The following DACT1 variants were observed in gnomAD, a reference collection of about 807,000 sequenced individuals.
The protein encoded by DACT1 is dishevelled binding antagonist of beta catenin 1.
A neutral mutation model predicts 35.3 loss-of-function variants in DACT1; 19 were observed. That is an observed-to-expected ratio of 0.54 (90% confidence interval 0.38 to 0.79). DACT1 has a LOEUF of 0.79. DACT1 is among the 30% of genes least tolerant of loss of function. The pLI, the probability that DACT1 is intolerant of heterozygous loss-of-function variation, is 0.00. For synonymous variants in DACT1, 545 were observed against 466.7 expected (o/e 1.17, Z -2.16); for missense variants, 1,143 against 1,057.5 (o/e 1.08, Z -1.12).
Position 58,647,120 on chromosome 14 carries a change from A to G in DACT1, c.2386A>G (p.Met796Val). Reference sequence around the variant, plus strand: ...CTTTCGGTCTGGCTCTTTGAAACTGATGACGACGGTTTGAGTGACATCATT... The same window carrying G: ...CTTTCGGTCTGGCTCTTTGAAACTGGTGACGACGGTTTGAGTGACATCATT... Reference protein sequence around the residue: ...LRFRSGSLKLMTTV With the variant: ...LRFRSGSLKLVTTV Residue 796 changes from methionine to valine, a missense_variant, in exon 4 of 4, where the codon ATG becomes GTG. By Grantham distance (21) the Met-to-Val change is conservative. Coordinates refer to ENST00000395153, the MANE Select transcript of DACT1 (RefSeq NM_001079520.2). 1 of 1,613,954 alleles carries G rather than the reference A, an allele frequency of 6.2e-7. No homozygotes were observed. Among genetic ancestry groups the G allele is most frequent in the Non-Finnish European group, 8.5e-7 (1 of 1,179,988 alleles).
chr14:58,639,881 T>A (rs2047610980), intron 1 of DACT1, among the ~76,000 whole-genome samples: 1 of 152,276 alleles, frequency 6.6e-6, no homozygotes, highest in African/African-American at 2.4e-5. Context: ...TTTATTGTTT[T>A]GTGCAATTGC....
chr14:58,641,518 T>G, intron 2 of DACT1, 74 bp from the exon 3 acceptor site: 1 of 1,480,554 alleles, frequency 6.8e-7, no homozygotes, highest in Non-Finnish European at 9.2e-7. Context: ...AAATGATTAT[T>G]CATTTTCCTG....
chr14:58,643,657 G>A (rs764630056), intron 3 of DACT1, among the ~76,000 whole-genome samples: 44 of 152,282 alleles, frequency 2.9e-4, no homozygotes, highest in Non-Finnish European at 4.4e-4. Context: ...AGACAGACCC[G>A]TGCTCTTCCA....
rs750523668 is a variant in DACT1 at position 58,646,216 on chromosome 14, C to T, written c.1482C>T (p.Pro494=). ...CTCCCCTGCTGTCTACAGCTTTCCCCGTGGAAGAGAGGCCTGCCTTGGATT... is the reference window on the plus strand; with the variant it reads ...CTCCCCTGCTGTCTACAGCTTTCCCTGTGGAAGAGAGGCCTGCCTTGGATT... ...ATPPLLSTAF[P]VEERPALDFK... is the part of the protein sequence containing the mutation. The change falls in exon 4 of 4, where the codon CCC becomes CCT. Residue 494 remains proline, a synonymous_variant. Transcript: ENST00000395153. 25 of 1,613,790 alleles carry T rather than the reference C, an allele frequency of 1.5e-5. No homozygotes were observed. The South Asian group carries it at 2.3e-4, about 15-fold the overall frequency.
At chr14:58,637,658 C>A (rs1054093166), upstream of DACT1, among the ~76,000 whole-genome samples, 1 of 152,170 alleles carries the variant, frequency 6.6e-6, no homozygotes, top group African/African-American at 2.4e-5. Flanking sequence ...GGGCTCCAGG[C>A]GCTCGCCCCG....
chr14:58,644,795 T>A (rs1167323143), intron 3 of DACT1, among the ~76,000 whole-genome samples: 2 of 152,180 alleles, frequency 1.3e-5, no homozygotes, highest in East Asian at 3.8e-4. Context: ...GTTTCCCAGT[T>A]GTAAACGCAG....
chr14:58,638,266 C>T lies in DACT1; in HGVS notation c.64C>T (p.Gln22Ter). 1 of 1,358,642 alleles carries T rather than the reference C, an allele frequency of 7.4e-7. No individual in the cohort carries two copies. The allele number at this position is 1,358,642 out of a possible 1,614,324, so 84.2% of individuals were successfully genotyped here. A position where few individuals can be genotyped will look rare whatever the true frequency, so the allele number is the denominator to read the frequency against. ...LEPPAPARGEQRTAEPEGRWR... is the reference protein window; with the variant it reads ...LEPPAPARGE ...GCCTCCGGCGCCGGCCCGAGGCGAG[C>T]AGCGCACGGCGGAGCCCGAGGGGCG... Residue 22 changes from glutamine to a stop codon, truncating the protein, a stop_gained, in exon 1 of 4, where the codon CAG (glutamine) becomes TAG (stop). Transcript: ENST00000395153. LOFTEE classifies it high-confidence loss of function.
upstream of DACT1, chr14:58,637,957 A>G: frequency 8.7e-6 from 2 of 228,624 alleles, no homozygotes. Flanking sequence ...AGCGCCGGGC[A>G]GGGCGTTATC....
intron 2 of DACT1, 64 bp from the exon 3 acceptor site, chr14:58,641,528 G>A: frequency 6.6e-7 from 1 of 1,512,344 alleles, no homozygotes; most frequent in South Asian, 1.2e-5. Context: ...TCATTTTCCT[G>A]TTAAGCGTGA....
In DACT1 at chr14:58,646,432, GA is replaced by G; in HGVS notation, c.1702del (p.Thr568ArgfsTer87). The G allele has an allele frequency of 6.3e-7, 1 of 1,593,392 alleles. No homozygotes were observed. The highest frequency in any genetic ancestry group is 2.3e-5 in the East Asian group (1 of 44,256). On this transcript the variant is annotated frameshift_variant, in exon 4 of 4. Coordinates refer to ENST00000395153, the MANE Select transcript of DACT1 (RefSeq NM_001079520.2). LOFTEE classifies it low-confidence loss of function (END_TRUNC). Reference protein sequence around the residue: ...LENGLPTVREKTRAGSKKCRF... With the variant: ...LENGLPTVREXTRAGSKKCRF... ...AGAACGGCTTGCCCACCGTCAGGGA[GA>G]AAACGCGGGCCGGGAGCAAGAAGTG...
chr14:58,635,017 T>G (rs758445588), upstream of DACT1, among the ~76,000 whole-genome samples: 1 of 152,242 alleles, frequency 6.6e-6, no homozygotes, highest in African/African-American at 2.4e-5. Flanking sequence ...TGGTACACTT[T>G]CTGAGTGTCA....
intron 2 of DACT1, 139 bp downstream of exon 2, chr14:58,641,007 A>AT: frequency 1.1e-6 from 1 of 931,934 alleles, no homozygotes; most frequent in Non-Finnish European, 1.6e-6. Flanking sequence ...GAAGTCTGCC[A>AT]TTCAGTTTTA....
In DACT1 at chr14:58,645,858, C is replaced by T. The variant is rs758211732; in HGVS notation, c.1124C>T (p.Thr375Ile). Residue 375 changes from threonine to isoleucine, a missense_variant, in exon 4 of 4, where the codon ACA becomes ATA. Coordinates refer to ENST00000395153, the MANE Select transcript of DACT1 (RefSeq NM_001079520.2). ...GGGATACCTTCTCTGAACAATGGGACATTCTCCCCACCGAAGCAGTGGTCG... is the reference window on the plus strand; with the variant it reads ...GGGATACCTTCTCTGAACAATGGGATATTCTCCCCACCGAAGCAGTGGTCG... ...SGGIPSLNNG[T>I]FSPPKQWSKE... The T allele has an allele frequency of 1.9e-6, 3 of 1,614,242 alleles. No individual in the cohort carries two copies. The highest frequency in any genetic ancestry group is 1.6e-4 in the Middle Eastern group (1 of 6,062).
At chr14:58,640,115 A>G (rs2047613259) in intron 1 of DACT1, among the ~76,000 whole-genome samples, 1 of 152,202 alleles carries the variant, frequency 6.6e-6, no homozygotes, top group African/African-American at 2.4e-5. Flanking sequence ...AGCACAATCC[A>G]TCTGTCACCT....
chr14:58,645,356 G>C lies in DACT1; in HGVS notation c.635-13G>C. 2 of 1,614,222 alleles carry C rather than the reference G, an allele frequency of 1.2e-6. No individual in the cohort carries two copies. The highest frequency in any genetic ancestry group is 2.2e-5 in the South Asian group (2 of 91,080). On this transcript the variant is annotated splice_polypyrimidine_tract_variant and intron_variant, in intron 3 of 3. Coordinates refer to ENST00000395153, the MANE Select transcript of DACT1 (RefSeq NM_001079520.2). The stretch of plus-strand genomic sequence containing the variant: ...CTCCACACCACAATTTAATTCCCTT[G>C]ATGTCATTGCAGATGTGAATCCCAA...
chr14:58,639,246 A>G (rs2047605316), intron 1 of DACT1: 1 of 985,406 alleles, frequency 1.0e-6, no homozygotes. Flanking sequence ...GGTGGGAGAA[A>G]AGAGAACCTG....
intron 1 of DACT1, chr14:58,638,828 G>A (rs892261681): frequency 3.9e-5 from 45 of 1,143,774 alleles, no homozygotes; most frequent in Non-Finnish European, 4.6e-5. Flanking sequence ...TCTGCCTTCG[G>A]GATTCTTGGA....
rs1006725780 is a variant in DACT1 at position 58,646,933 on chromosome 14, C to T, written c.2199C>T (p.Ser733=). The change falls in exon 4 of 4, where the codon AGC becomes AGT. Residue 733 remains serine (S), a synonymous_variant. Coordinates refer to ENST00000395153, the MANE Select transcript of DACT1 (RefSeq NM_001079520.2). The part of the protein sequence containing the change: ...SVSEGEFVGE[S]TTTSDSEESG... ...GCGAGGGCGAGTTCGTGGGGGAGAG[C>T]ACAACCACCAGCGACTCTGAAGAAA... 1 of 1,613,908 alleles carries T rather than the reference C, an allele frequency of 6.2e-7. No individual in the cohort carries two copies. Among genetic ancestry groups the T allele is most frequent in the African/African-American group, 1.3e-5 (1 of 74,900 alleles).
At chr14:58,643,659 G>A (rs1183894549) in intron 3 of DACT1, among the ~76,000 whole-genome samples, 1 of 152,200 alleles carries the variant, frequency 6.6e-6, no homozygotes, top group East Asian at 1.9e-4. Flanking sequence ...ACAGACCCGT[G>A]CTCTTCCAAA....
Sources: gnomAD v4.1 joint callset for allele counts (sites outside exome capture counted in the v4.1 genomes callset) on GRCh38, gnomAD v4.1.1 for gene constraint, MANE v1.5 for transcripts, NCBI Gene and HGNC (gene_info 2026-07-23, HGNC 2026-07-21) for gene names.